PLCB1: variants seen among roughly 807,000 people sequenced by gnomAD.
PLCB1 encodes the protein phospholipase C beta 1.
PLCB1 carries 46 observed loss-of-function variants against 161.8 expected under a neutral mutation model. That is an observed-to-expected ratio of 0.28 (90% CI 0.22 to 0.36). The LOEUF is 0.36. Among genes scored for constraint, PLCB1 ranks in the 10% least tolerant of loss-of-function variants. The pLI is 1.00. For synonymous variants in PLCB1, 517 were observed against 503.7 expected, an observed-to-expected ratio of 1.03 and a Z score of -0.35; for missense variants, 1,016 against 1,472.5, an observed-to-expected ratio of 0.69 and a Z score of 5.07.
intron 2 of PLCB1, among the ~76,000 whole-genome samples, chr20:8,312,150 C>T (rs1984430249): frequency 6.6e-6 from 1 of 152,110 alleles, no homozygotes; most frequent in Non-Finnish European, 1.5e-5. Context: ...TGCCTTCACT[C>T]TCAGAGAGTT....
chr20:8,312,294 A>G (rs574672588), intron 2 of PLCB1, among the ~76,000 whole-genome samples: 13 of 152,170 alleles, frequency 8.5e-5, no homozygotes, highest in Middle Eastern at 3.4e-3. Flanking sequence ...GCAAAAGCCT[A>G]CAGGACTATC....
chr20:8,716,736 G>A (rs1979335297), intron 13 of PLCB1, among the ~76,000 whole-genome samples: 1 of 152,152 alleles, frequency 6.6e-6, no homozygotes, highest in South Asian at 2.1e-4. Flanking sequence ...TGTCTTCTTG[G>A]CCTGTCCCTG....
At chr20:8,472,550 C>T (rs747928981) in intron 3 of PLCB1, among the ~76,000 whole-genome samples, 11 of 152,006 alleles carry the variant, frequency 7.2e-5, no homozygotes, top group Non-Finnish European at 1.2e-4. Context: ...CTGGAATAGC[C>T]GTGTTCTCTT....
intron 3 of PLCB1, among the ~76,000 whole-genome samples, chr20:8,484,885 C>G (rs1418327047): frequency 6.6e-6 from 1 of 152,098 alleles, no homozygotes; most frequent in Non-Finnish European, 1.5e-5. Context: ...CTGCTATATC[C>G]CCCAGTTGTG....
At chr20:8,805,815 T>C (rs930348844) in intron 31 of PLCB1, among the ~76,000 whole-genome samples, 1 of 152,230 alleles carries the variant, frequency 6.6e-6, no homozygotes, top group African/African-American at 2.4e-5. Context: ...AGGTGACTTC[T>C]CTTTCTTATG....
At chr20:8,454,572 A>G (rs1014112318) in intron 3 of PLCB1, among the ~76,000 whole-genome samples, 20 of 152,156 alleles carry the variant, frequency 1.3e-4, no homozygotes, top group African/African-American at 4.8e-4. Flanking sequence ...AATGGAAAGA[A>G]ACGAGTCAGG....
intron 2 of PLCB1, among the ~76,000 whole-genome samples, chr20:8,211,742 C>T (rs912716055): frequency 2.0e-5 from 3 of 152,056 alleles, no homozygotes; most frequent in Admixed American, 1.3e-4. Flanking sequence ...TTTCTCTTAA[C>T]ATCTATTGCA....
chr20:8,545,274 G>A (rs1482392668), intron 3 of PLCB1, among the ~76,000 whole-genome samples: 1 of 152,186 alleles, frequency 6.6e-6, no homozygotes, highest in Non-Finnish European at 1.5e-5. Context: ...CTGTTTGGCT[G>A]GGAGACAGCT....
intron 31 of PLCB1, among the ~76,000 whole-genome samples, chr20:8,819,633 A>T (rs6056160): frequency 2.0e-5 from 3 of 152,040 alleles, no homozygotes; most frequent in African/African-American, 7.3e-5. Context: ...TCCTTTGCTA[A>T]CCATGAGGGA....
At chr20:8,387,701 G>T (rs1452203213) in intron 3 of PLCB1, among the ~76,000 whole-genome samples, 1 of 152,126 alleles carries the variant, frequency 6.6e-6, no homozygotes, top group East Asian at 1.9e-4. Flanking sequence ...TATCTGCAAA[G>T]CACAATGAAG....
At chr20:8,152,484 G>A (rs2051519261) in intron 2 of PLCB1, among the ~76,000 whole-genome samples, 1 of 152,070 alleles carries the variant, frequency 6.6e-6, no homozygotes, top group Non-Finnish European at 1.5e-5. Context: ...AGCTTTTAGT[G>A]GGGATTTTTT....
chr20:8,315,144 T>C (rs1984581679), intron 2 of PLCB1, among the ~76,000 whole-genome samples: 1 of 152,132 alleles, frequency 6.6e-6, no homozygotes, highest in Non-Finnish European at 1.5e-5. Context: ...AGTTCTTACT[T>C]CTTCCATCCT....
chr20:8,278,271 T>G (rs1568615240), intron 2 of PLCB1, among the ~76,000 whole-genome samples: 3 of 146,458 alleles, frequency 2.0e-5, no homozygotes, highest in Non-Finnish European at 3.0e-5. Context: ...TATAAATATA[T>G]TATATAAATA....
At chr20:8,337,843 C>T (rs1371084474) in intron 2 of PLCB1, among the ~76,000 whole-genome samples, 2 of 152,222 alleles carry the variant, frequency 1.3e-5, no homozygotes, top group East Asian at 3.9e-4. Context: ...TTAGTATTCA[C>T]TCCTTAAAAT....
At chr20:8,247,313 T>C (rs1980926001) in intron 2 of PLCB1, among the ~76,000 whole-genome samples, 1 of 152,002 alleles carries the variant, frequency 6.6e-6, no homozygotes, top group Non-Finnish European at 1.5e-5. Context: ...TTCAGATTTC[T>C]CTTTTTTTCT....
At chr20:8,624,146 A>G (rs1988264869) in intron 3 of PLCB1, among the ~76,000 whole-genome samples, 1 of 152,202 alleles carries the variant, frequency 6.6e-6, no homozygotes, top group Non-Finnish European at 1.5e-5. Context: ...ACTTAAGTAT[A>G]AGGAATCCAT....
chr20:8,711,802 C>A (rs1025357233), intron 12 of PLCB1, among the ~76,000 whole-genome samples: 1 of 152,168 alleles, frequency 6.6e-6, no homozygotes, highest in African/African-American at 2.4e-5. Context: ...GCAGTAGCAG[C>A]ACTCTTTCCC....
At chr20:8,550,972 GA>G (rs762765764) in intron 3 of PLCB1, among the ~76,000 whole-genome samples, 64 of 152,128 alleles carry the variant, frequency 4.2e-4, no homozygotes, top group Non-Finnish European at 5.1e-4. Context: ...TCTATAACAG[GA>G]ATGACAGGCA....
At position 8,167,045 on chromosome 20, in the gene PLCB1, T is replaced by C. The variant is rs572927688; in HGVS notation, c.177+16674T>C. Among the ~76,000 whole-genome samples the C allele has an allele frequency of 2.2e-4, 34 of 152,314 alleles. No homozygotes were observed. In the Middle Eastern group the frequency reaches 0.01, roughly 46 times the overall value. ...GACCTGGCTCTCTTAATGGGGAAAG[T>C]AACTTGTAGCATTCGCCAATTTCCA... On this transcript the variant is annotated intron_variant, in intron 2 of 31. Transcript: ENST00000338037.
Sources: allele counts gnomAD v4.1 joint callset (sites outside exome capture counted in the v4.1 genomes callset), GRCh38; gene constraint gnomAD v4.1.1; transcripts MANE v1.5; gene names NCBI Gene and HGNC (gene_info 2026-07-23, HGNC 2026-07-21).